The following ADARB1 variants were observed in gnomAD, a reference collection of about 807,000 sequenced individuals.
The protein encoded by ADARB1 is double-stranded RNA-specific editase 1.
A neutral mutation model predicts 52.4 loss-of-function variants in ADARB1; 10 were observed. The ratio of observed to expected loss-of-function variants is 0.19; its 90% CI spans 0.12 to 0.32. The LOEUF (loss-of-function observed/expected upper bound fraction) is 0.32. ADARB1 is among the 10% of genes least tolerant of loss of function. The probability of loss-of-function intolerance (pLI) is 1.00; values close to 1 mark genes in which losing one functional copy is unlikely to be tolerated. For missense variants in ADARB1, 643 were observed against 922.3 expected, an observed-to-expected ratio of 0.70 and a Z score of 3.92; for synonymous variants, 349 against 371.1, an observed-to-expected ratio of 0.94 and a Z score of 0.68.
intron 1 of ADARB1, among the ~76,000 whole-genome samples, chr21:45,126,578 TAGG>T (rs1053525482): frequency 6.6e-5 from 10 of 152,162 alleles, no homozygotes; most frequent in Admixed American, 6.5e-4. Flanking sequence ...CCTGTCCTCA[TAGG>T]AGCAAGCCTG....
At chr21:45,101,304 C>G (rs940049566) in intron 1 of ADARB1, among the ~76,000 whole-genome samples, 1 of 152,160 alleles carries the variant, frequency 6.6e-6, no homozygotes, top group African/African-American at 2.4e-5. Flanking sequence ...GGCCGTGTCC[C>G]CGCAGCCCCG....
chr21:45,189,419 G>A (rs530724640), intron 8 of ADARB1, among the ~76,000 whole-genome samples: 4 of 152,060 alleles, frequency 2.6e-5, no homozygotes, highest in African/African-American at 9.6e-5. Context: ...TTTATATACT[G>A]TATATCCATT....
chr21:45,190,412 A>G (rs765343689), intron 8 of ADARB1, among the ~76,000 whole-genome samples: 1 of 152,134 alleles, frequency 6.6e-6, no homozygotes, highest in African/African-American at 2.4e-5. Flanking sequence ...GATATTTTAA[A>G]TTCTTTTTTA....
In ADARB1 at chr21:45,220,526, C is replaced by A. The variant is rs1379505814; in HGVS notation, c.1748-310C>A. Among the ~76,000 whole-genome samples, 1 of 152,220 alleles carries A rather than the reference C, an allele frequency of 6.6e-6. No individual in the cohort carries two copies. The highest frequency in any genetic ancestry group is 1.5e-5 in the Non-Finnish European group (1 of 68,042). On this transcript the variant is annotated intron_variant, in intron 9 of 10. Coordinates refer to ENST00000348831, the MANE Select transcript of ADARB1 (RefSeq NM_001112.4). The surrounding 1 kb of genome is among the most constrained non-coding windows in gnomAD (Gnocchi z 6.3). The stretch of plus-strand genomic sequence containing the variant: ...CCGTCAGTGCCAGAGTGAGAAAAGA[C>A]ACACTTGTCAGGAAGTCTCATGATT...
chr21:45,140,518 C>T (rs2089663072), intron 2 of ADARB1, among the ~76,000 whole-genome samples: 1 of 152,152 alleles, frequency 6.6e-6, no homozygotes, highest in South Asian at 2.1e-4. Flanking sequence ...CTCTGCAGAA[C>T]AGCAGATGGT....
intron 8 of ADARB1, among the ~76,000 whole-genome samples, chr21:45,190,812 A>G (rs1311687212): frequency 7.9e-5 from 12 of 152,260 alleles, no homozygotes; most frequent in Admixed American, 7.9e-4. Flanking sequence ...GGCAGACTCC[A>G]GACAGCCAGA....
At chr21:45,080,260 T>C (rs2086102119) in intron 1 of ADARB1, among the ~76,000 whole-genome samples, 1 of 152,104 alleles carries the variant, frequency 6.6e-6, no homozygotes, top group African/African-American at 2.4e-5. Flanking sequence ...AAGTTTTTAG[T>C]TGTATTTTTA....
At chr21:45,115,179 T>C (rs751107789) in intron 1 of ADARB1, among the ~76,000 whole-genome samples, 25 of 152,194 alleles carry the variant, frequency 1.6e-4, no homozygotes, top group Admixed American at 1.5e-3. Flanking sequence ...AATGCAGAAA[T>C]ACATGGTTTT....
At chr21:45,174,136 C>T (rs2091594573) in intron 3 of ADARB1, among the ~76,000 whole-genome samples, 1 of 152,202 alleles carries the variant, frequency 6.6e-6, no homozygotes, top group African/African-American at 2.4e-5. Flanking sequence ...TACCATTTTA[C>T]ACATGTAGTA....
At chr21:45,194,759 G>A (rs888526280) in intron 8 of ADARB1, among the ~76,000 whole-genome samples, 1 of 152,100 alleles carries the variant, frequency 6.6e-6, no homozygotes, top group Admixed American at 6.5e-5. Context: ...TTCATGGCTT[G>A]ATAGCTCATT....
rs976837471 is a variant in ADARB1, at chr21:45,206,627, G to A, written c.1747+1891G>A. On this transcript the variant is annotated intron_variant, in intron 9 of 10. Coordinates refer to ENST00000348831, the MANE Select transcript of ADARB1 (RefSeq NM_001112.4). ...CTTGCTCTATTGCCCAGGCTGGAGT[G>A]CAGTGGCGTGATCTTGGCTCACTGC... Among the ~76,000 whole-genome samples, 5 of 126,214 alleles carry A rather than the reference G, an allele frequency of 4.0e-5. No homozygotes were observed. The Admixed American group carries it at 4.9e-4, about 12-fold the overall frequency. 82.8% of individuals were successfully genotyped at this position (126,214 alleles called of 152,430 possible). A position where few individuals can be genotyped will look rare whatever the true frequency, so the allele number is the denominator to read the frequency against.
rs1201540034 is a variant in ADARB1, at chr21:45,074,707, C to T, written c.-306C>T. On this transcript the variant is annotated 5_prime_UTR_variant, in exon 1 of 11. It adds an upstream start codon to the 5' untranslated region. Transcript: ENST00000348831. ...ACGCCGCGCCGCTGCGCACAACCAA[C>T]GAGGCAGAGCGCCGCCCGGCGCGAG... 1.4e-5 allele frequency: 2 copies of T among 146,148 alleles called. No homozygotes were observed. The highest frequency in any genetic ancestry group is 1.4e-4 in the Admixed American group (2 of 14,728). The allele number at this position is 146,148 out of a possible 1,614,324, so 9.1% of individuals were successfully genotyped here.
rs1024931670 is a variant in ADARB1 at position 45,208,616 on chromosome 21, G to A, written c.1747+3880G>A. Among the ~76,000 whole-genome samples, 38 of 151,618 alleles carry A rather than the reference G, an allele frequency of 2.5e-4. No individual in the cohort carries two copies. The highest frequency in any genetic ancestry group is 8.5e-4 in the African/African-American group (35 of 41,304). ...GTGAGAGTGTGGAAAGTGTGTGTGT[G>A]TATGTGTGCGTGTGTGTGTGTGTGA... On this transcript the variant is annotated intron_variant, in intron 9 of 10. Transcript: ENST00000348831. The surrounding 1 kb of genome is among the most constrained non-coding windows in gnomAD (Gnocchi z 5.6).
chr21:45,158,904 C>T (rs554785515), intron 2 of ADARB1, among the ~76,000 whole-genome samples: 12 of 152,162 alleles, frequency 7.9e-5, no homozygotes, highest in African/African-American at 2.6e-4. Context: ...CTCAGTCTCC[C>T]GTGGGTCTGC....
chr21:45,172,200 T>C lies in ADARB1; in HGVS notation c.28+516T>C, dbSNP rs1312933268. ...GCTGGGACTGGTGTGGGCCTCCTCC[T>C]TCCGTGCTGTTCTCTCTGGTGCCGG... On this transcript the variant is annotated intron_variant, in intron 3 of 10. Transcript: ENST00000348831. This position sits in a 1 kb window ranked among gnomAD's most constrained non-coding sequence, Gnocchi z 4.4. 3.9e-5 allele frequency among the ~76,000 whole-genome samples: 6 copies of C among 152,170 alleles called. No homozygotes were observed. Among genetic ancestry groups the C allele is most frequent in the Admixed American group, 1.3e-4 (2 of 15,278 alleles).
intron 1 of ADARB1, among the ~76,000 whole-genome samples, chr21:45,110,130 C>T (rs1364277509): frequency 1.3e-5 from 2 of 152,178 alleles, no homozygotes; most frequent in Admixed American, 1.3e-4. Context: ...TTTATTTTTA[C>T]TTGACCTTTT....
In ADARB1 at chr21:45,224,440, A is replaced by T; in HGVS notation, c.*2243A>T. Reference sequence around the variant, plus strand: ...GGACAGGCACAGGGCACCCTATCCCAAGCCGTCCAGGCAGGAGGAAGGCAG... The same window carrying T: ...GGACAGGCACAGGGCACCCTATCCCTAGCCGTCCAGGCAGGAGGAAGGCAG... On this transcript the variant is annotated 3_prime_UTR_variant, in exon 11 of 11. Transcript: ENST00000348831. 1 of 860,110 alleles carries T rather than the reference A, an allele frequency of 1.2e-6. No homozygotes were observed. The highest frequency in any genetic ancestry group is 1.3e-6 in the Non-Finnish European group (1 of 776,358). The allele number at this position is 860,110 out of a possible 1,614,324, so 53.3% of individuals were successfully genotyped here. A position where few individuals can be genotyped will look rare whatever the true frequency, so the allele number is the denominator to read the frequency against.
intron 1 of ADARB1, among the ~76,000 whole-genome samples, chr21:45,084,783 G>C (rs1408365524): frequency 1.3e-5 from 2 of 152,208 alleles, no homozygotes; most frequent in African/African-American, 4.8e-5. Context: ...ACTTATGGCA[G>C]TGCACATAAG....
At chr21:45,098,704 G>C (rs1177522407) in intron 1 of ADARB1, among the ~76,000 whole-genome samples, 2 of 152,208 alleles carry the variant, frequency 1.3e-5, no homozygotes, top group Non-Finnish European at 2.9e-5. Flanking sequence ...TGGCAGTGTG[G>C]GGGATGGCGA....
Sources: allele counts gnomAD v4.1 joint callset (sites outside exome capture counted in the v4.1 genomes callset), GRCh38; gene constraint gnomAD v4.1.1; non-coding constraint Gnocchi (gnomAD v3.1); transcripts MANE v1.5; gene names NCBI Gene and HGNC (gene_info 2026-07-23, HGNC 2026-07-21).